Variants in KCNN2 observed in about 807,000 individuals in gnomAD.
KCNN2 encodes the protein small conductance calcium-activated potassium channel protein 2.
Under a neutral mutation model 55.5 loss-of-function variants are expected in KCNN2, and 24 were observed. That is an observed-to-expected ratio of 0.43 (90% CI 0.31 to 0.61). The LOEUF (loss-of-function observed/expected upper bound fraction) is 0.61. Ranked by LOEUF, KCNN2 falls within the 20% of genes least tolerant of loss-of-function variation. The probability of loss-of-function intolerance (pLI) is 0.08; values close to 1 mark genes in which losing one functional copy is unlikely to be tolerated. For synonymous variants in KCNN2, 431 were observed against 336.1 expected (o/e 1.28, Z -3.09); for missense variants, 754 against 853.6 (o/e 0.88, Z 1.45).
intron 3 of KCNN2, among the ~76,000 whole-genome samples, chr5:114,440,026 G>T (rs1321671650): frequency 1.3e-5 from 2 of 151,824 alleles, no homozygotes; most frequent in Admixed American, 6.6e-5. Flanking sequence ...GTTCAGCTGG[G>T]TTTTTTTTCT....
At chr5:114,148,464 T>C (rs1361043062) in intron 1 of KCNN2, among the ~76,000 whole-genome samples, 1 of 152,092 alleles carries the variant, frequency 6.6e-6, no homozygotes, top group East Asian at 1.9e-4. Flanking sequence ...TGGCCACTGC[T>C]CTACCCAAAC....
intron 2 of KCNN2, among the ~76,000 whole-genome samples, chr5:114,384,538 C>T (rs1447210542): frequency 6.6e-6 from 1 of 152,148 alleles, no homozygotes; most frequent in Non-Finnish European, 1.5e-5. Context: ...CCCATCTTAA[C>T]CTTCTAATTC....
chr5:114,175,767 T>A (rs1753120998), intron 1 of KCNN2, among the ~76,000 whole-genome samples: 1 of 152,216 alleles, frequency 6.6e-6, no homozygotes, highest in South Asian at 2.1e-4. Flanking sequence ...TGACTTAATG[T>A]AGCCCATAAA....
At chr5:114,091,718 C>A (rs1220681568) in intron 1 of KCNN2, among the ~76,000 whole-genome samples, 2 of 152,136 alleles carry the variant, frequency 1.3e-5, no homozygotes, top group Non-Finnish European at 2.9e-5. Flanking sequence ...AAGCAAGGCA[C>A]CTTCTTCACG....
intron 2 of KCNN2, among the ~76,000 whole-genome samples, chr5:114,283,574 C>G (rs1211342642): frequency 3.3e-5 from 5 of 152,084 alleles, no homozygotes; most frequent in African/African-American, 1.2e-4. Context: ...CTATTGTCAT[C>G]TTTGTATGTC....
chr5:114,480,513 C>G (rs11958024), intron 5 of KCNN2, among the ~76,000 whole-genome samples: 2,111 of 152,192 alleles, frequency 0.014, 60 homozygotes, highest in African/African-American at 0.048. Context: ...TTCTATGAGG[C>G]AAGCATCATC....
At position 114,373,640 on chromosome 5, in the gene KCNN2, TTATA is replaced by T. The variant is rs61356539; in HGVS notation, c.1218+9654_1218+9657del. On this transcript the variant is annotated intron_variant, in intron 2 of 7. Transcript: ENST00000673685. ...CTCTCATGGTGTTGTTATGAAGATTTTATATATATATATATATAAAATTACTTGG... is the reference window on the plus strand; with the variant it reads ...CTCTCATGGTGTTGTTATGAAGATTTTATATATATATATAAAATTACTTGG... Among the ~76,000 whole-genome samples, 43 of 56,720 alleles carry T rather than the reference TTATA, an allele frequency of 7.6e-4. 7 individuals are homozygous for T. In the South Asian group the frequency reaches 9.9e-3, roughly 13 times the overall value. 37.2% of individuals were successfully genotyped at this position (56,720 alleles called of 152,430 possible). A position where few individuals can be genotyped will look rare whatever the true frequency, so the allele number is the denominator to read the frequency against.
At chr5:114,074,167 C>T (rs1458996938) in intron 1 of KCNN2, among the ~76,000 whole-genome samples, 1 of 152,212 alleles carries the variant, frequency 6.6e-6, no homozygotes, top group Non-Finnish European at 1.5e-5. Flanking sequence ...GTAAAATTCT[C>T]TTGCTCTGGG....
intron 2 of KCNN2, among the ~76,000 whole-genome samples, chr5:114,265,184 A>G (rs942635659): frequency 2.6e-5 from 4 of 152,138 alleles, no homozygotes; most frequent in African/African-American, 7.2e-5. Flanking sequence ...CTAGCCAATC[A>G]TTTGTAGATA....
chr5:114,160,987 G>T (rs1049125187), intron 1 of KCNN2, among the ~76,000 whole-genome samples: 1 of 152,136 alleles, frequency 6.6e-6, no homozygotes, highest in African/African-American at 2.4e-5. Flanking sequence ...TTTAATTGGA[G>T]CATTTAGTCC....
At chr5:114,415,584 C>G (rs920740484) in intron 3 of KCNN2, among the ~76,000 whole-genome samples, 2 of 152,140 alleles carry the variant, frequency 1.3e-5, no homozygotes, top group African/African-American at 4.8e-5. Context: ...TATAACCATT[C>G]TAGTGAGTAT....
intron 1 of KCNN2, among the ~76,000 whole-genome samples, chr5:114,125,203 T>C (rs1250120752): frequency 6.6e-6 from 1 of 152,216 alleles, no homozygotes; most frequent in Non-Finnish European, 1.5e-5. Context: ...ACCCTCATGG[T>C]AGGTGTTAGA....
At chr5:114,056,780 C>G (rs1288653991) in intron 1 of KCNN2, among the ~76,000 whole-genome samples, 2 of 152,292 alleles carry the variant, frequency 1.3e-5, no homozygotes, top group Admixed American at 6.5e-5. Context: ...ATCCTTCCCC[C>G]CTTGTCCTCT....
chr5:114,133,862 C>G (rs1752117525), intron 1 of KCNN2, among the ~76,000 whole-genome samples: 1 of 152,180 alleles, frequency 6.6e-6, no homozygotes, highest in African/African-American at 2.4e-5. Flanking sequence ...GTTAAAAATG[C>G]ACAGATTCTG....
At position 114,133,448 on chromosome 5, in the gene KCNN2, CTTTG is replaced by C. The variant is rs546908837; in HGVS notation, c.-271+76953_-271+76956del. Reference sequence around the variant, plus strand: ...TAATTGCTGATGTTCCTTGTAATTACTTTGTTTGGGGAACAAAAAGTCAGGGAGC... The same window carrying C: ...TAATTGCTGATGTTCCTTGTAATTACTTTGGGGAACAAAAAGTCAGGGAGC... On this transcript the variant is annotated intron_variant, in intron 1 of 10. Transcript: ENST00000512097. 2.2e-3 allele frequency among the ~76,000 whole-genome samples: 333 copies of C among 152,266 alleles called. 1 individual carries two copies. Among genetic ancestry groups the C allele is most frequent in the African/African-American group, 7.3e-3 (305 of 41,558 alleles).
intron 2 of KCNN2, among the ~76,000 whole-genome samples, chr5:114,311,473 T>C (rs1345583752): frequency 1.3e-5 from 2 of 151,888 alleles, no homozygotes; most frequent in Admixed American, 1.3e-4. Flanking sequence ...TTTTCCTTTA[T>C]AGTTGGATGA....
intron 1 of KCNN2, among the ~76,000 whole-genome samples, chr5:114,198,347 T>TGTATATATAC (rs1374179109): frequency 2.6e-4 from 39 of 149,986 alleles, no homozygotes; most frequent in African/African-American, 9.0e-4. Context: ...TATATACGTG[T>TGTATATATAC]ATATATACAT....
intron 1 of KCNN2, among the ~76,000 whole-genome samples, chr5:114,141,151 T>C (rs1261370480): frequency 1.3e-5 from 2 of 152,120 alleles, no homozygotes; most frequent in Non-Finnish European, 2.9e-5. Flanking sequence ...TTTTTTATAC[T>C]TTAAGTTCTA....
intron 2 of KCNN2, among the ~76,000 whole-genome samples, chr5:114,314,746 A>G (rs1330674522): frequency 6.6e-6 from 1 of 152,136 alleles, no homozygotes; most frequent in Non-Finnish European, 1.5e-5. Context: ...GTAGTTGTTT[A>G]GAGATAACCC....
Sources: allele counts gnomAD v4.1 joint callset (sites outside exome capture counted in the v4.1 genomes callset), GRCh38; gene constraint gnomAD v4.1.1; transcripts MANE v1.5; gene names NCBI Gene and HGNC (gene_info 2026-07-23, HGNC 2026-07-21).